The following GPR19 variants were observed in gnomAD, a reference collection of about 807,000 sequenced individuals.
GPR19 encodes G protein-coupled receptor 19, also known as probable G protein-coupled receptor 19.
Under a neutral mutation model 28.5 loss-of-function variants are expected in GPR19, and 14 were observed. The ratio of observed to expected loss-of-function variants is 0.49; its 90% CI spans 0.32 to 0.77. The LOEUF (loss-of-function observed/expected upper bound fraction) is 0.77, where lower values mean the gene tolerates loss of function less well. Among genes scored for constraint, GPR19 ranks in the 30% least tolerant of loss-of-function variants. The pLI is 0.03. For synonymous variants in GPR19, 173 were observed against 184.1 expected (o/e 0.94, Z 0.49); for missense variants, 409 against 504.1 (o/e 0.81, Z 1.81).
At chr12:12,678,073 CAAA>C (rs56014911) in intron 3 of GPR19, among the ~76,000 whole-genome samples, 631 of 46,068 alleles carry the variant, frequency 0.014, no homozygotes, top group Middle Eastern at 0.037. Context: ...GACTCTGTCT[CAAA>C]AAAAAAAAAA....
intron 3 of GPR19, among the ~76,000 whole-genome samples, chr12:12,670,403 A>G (rs1945840602): frequency 6.6e-6 from 1 of 152,202 alleles, no homozygotes; most frequent in Non-Finnish European, 1.5e-5. Context: ...GTAGGCTTTG[A>G]AGTCAGTTGC....
upstream of GPR19, among the ~76,000 whole-genome samples, chr12:12,700,877 C>T (rs1418565340): frequency 6.6e-6 from 1 of 152,036 alleles, no homozygotes; most frequent in African/African-American, 2.4e-5. Context: ...TGAAATGTCA[C>T]TTCAACATTT....
upstream of GPR19, among the ~76,000 whole-genome samples, chr12:12,697,153 T>TAAAAAAAACAAAAAAAAAAAAA (rs1946277596): frequency 2.0e-5 from 1 of 48,846 alleles, no homozygotes; most frequent in Non-Finnish European, 3.6e-5. Flanking sequence ...TGAAGCGAAG[T>TAAAAAAAACAAAAAAAAAAAAA]AAAAAAAAAA....
intron 3 of GPR19, among the ~76,000 whole-genome samples, chr12:12,670,625 T>C (rs1945842289): frequency 6.6e-6 from 1 of 152,264 alleles, no homozygotes; most frequent in Admixed American, 6.5e-5. Context: ...TATTTTTATA[T>C]ACAGTTCTAC....
In GPR19 at chr12:12,661,725, A is replaced by G; in HGVS notation, c.724T>C (p.Phe242Leu). 6.2e-7 allele frequency: 1 copy of G among 1,614,170 alleles called. No homozygotes were observed. The highest frequency in any genetic ancestry group is 1.1e-5 in the South Asian group (1 of 91,078). The change falls in exon 4 of 4, where the codon TTT becomes CTT. Residue 242 changes from phenylalanine (F) to leucine (L), a missense_variant. By Grantham distance (22) the Phe-to-Leu change is conservative. Transcript: ENST00000651487. This position sits in a 1 kb window ranked among gnomAD's most constrained non-coding sequence, Gnocchi z 4.2. Reference protein sequence around the residue: ...FVIPSVLIILFYQKVIKYIWR... With the variant: ...FVIPSVLIILLYQKVIKYIWR... ...ATATATTTTATGACCTTTTGGTAAA[A>G]TAAAATTATGAGGACAGATGGAATC...
chr12:12,688,246 T>C (rs1218760825), intron 2 of GPR19, among the ~76,000 whole-genome samples: 1 of 152,236 alleles, frequency 6.6e-6, no homozygotes, highest in East Asian at 1.9e-4. Flanking sequence ...GCTGAAATTA[T>C]GTGCCTAACA....
chr12:12,708,554 C>A, the GPR19 span, among the ~76,000 whole-genome samples: 2 of 152,166 alleles, frequency 1.3e-5, no homozygotes, highest in African/African-American at 4.8e-5. Flanking sequence ...GTCACTGCAT[C>A]TTCTACAATG....
At chr12:12,705,478 A>G in the GPR19 span, among the ~76,000 whole-genome samples, 4 of 152,104 alleles carry the variant, frequency 2.6e-5, no homozygotes, top group Admixed American at 6.5e-5. Flanking sequence ...AAAGCTAATT[A>G]TTTGCTAATT....
intron 2 of GPR19, chr12:12,688,661 C>G (rs574557423): frequency 6.6e-6 from 1 of 152,320 alleles, no homozygotes; most frequent in Admixed American, 6.5e-5. Context: ...ACAGATATGA[C>G]AATCAATTAT....
At chr12:12,711,338 C>T in the GPR19 span, among the ~76,000 whole-genome samples, 1 of 151,742 alleles carries the variant, frequency 6.6e-6, no homozygotes, top group Non-Finnish European at 1.5e-5. Flanking sequence ...ATTTCTTCTC[C>T]CAAATCAGGT....
chr12:12,661,170 T>G lies in GPR19; in HGVS notation c.*31A>C. 6.8e-7 allele frequency: 1 copy of G among 1,474,104 alleles called. No homozygotes were observed. The highest frequency in any genetic ancestry group is 9.2e-7 in the Non-Finnish European group (1 of 1,083,814). 91.3% of individuals were successfully genotyped at this position (1,474,104 alleles called of 1,614,324 possible). ...TTTTTATAGTTAAAGCTTTTTAATC[T>G]CTGGTGCATAACAATTGAAAGAATG... On this transcript the variant is annotated 3_prime_UTR_variant, in exon 4 of 4. Transcript: ENST00000651487. The surrounding 1 kb of genome is among the most constrained non-coding windows in gnomAD (Gnocchi z 4.2).
intron 3 of GPR19, among the ~76,000 whole-genome samples, chr12:12,663,011 T>C (rs1945702858): frequency 6.6e-6 from 1 of 152,208 alleles, no homozygotes; most frequent in South Asian, 2.1e-4. Context: ...TTACTTAGTG[T>C]AGATTTTCCA....
chr12:12,706,383 T>C, the GPR19 span, among the ~76,000 whole-genome samples: 1 of 152,214 alleles, frequency 6.6e-6, no homozygotes, highest in African/African-American at 2.4e-5. Context: ...CTCATCTTGA[T>C]TTCTAAAAGT....
chr12:12,669,984 G>A (rs1945834776), intron 3 of GPR19, among the ~76,000 whole-genome samples: 1 of 152,140 alleles, frequency 6.6e-6, no homozygotes, highest in Admixed American at 6.5e-5. Flanking sequence ...TCCTGCCTTG[G>A]CCTCCCAAAG....
At chr12:12,713,057 CTT>C in the GPR19 span, among the ~76,000 whole-genome samples, 2,701 of 107,824 alleles carry the variant, frequency 0.025, 91 homozygotes, top group African/African-American at 0.09. Context: ...ATCTGATGCG[CTT>C]TTTTTTTTTT....
At chr12:12,715,193 GT>G in the GPR19 span, 1 of 152,172 alleles carries the variant, frequency 6.6e-6, no homozygotes, top group African/African-American at 2.4e-5. Context: ...TAGAGTTCCT[GT>G]GTTGTCTAGC....
intron 2 of GPR19, among the ~76,000 whole-genome samples, chr12:12,686,227 C>T (rs1216558653): frequency 6.6e-6 from 1 of 152,166 alleles, no homozygotes; most frequent in Non-Finnish European, 1.5e-5. Context: ...AGAGGTGGCA[C>T]AAGGAAGCTG....
intron 3 of GPR19, among the ~76,000 whole-genome samples, chr12:12,664,942 AAAAAG>A (rs146340327): frequency 0.45 from 39,856 of 88,062 alleles, 10,334 homozygotes; most frequent in Non-Finnish European, 0.62. Flanking sequence ...AAAAAAAAAA[AAAAAG>A]AAATCAGGAC....
intron 3 of GPR19, among the ~76,000 whole-genome samples, chr12:12,673,860 T>C: frequency 6.6e-6 from 1 of 152,228 alleles, no homozygotes; most frequent in Middle Eastern, 3.4e-3. Context: ...CCATTTTTTT[T>C]AACCCCCTCA....
Sources: gnomAD v4.1 joint callset for allele counts (sites outside exome capture counted in the v4.1 genomes callset) on GRCh38, gnomAD v4.1.1 for gene constraint, Gnocchi (gnomAD v3.1) non-coding constraint, MANE v1.5 for transcripts, NCBI Gene and HGNC (gene_info 2026-07-23, HGNC 2026-07-21) for gene names.